Variants in CRTAM observed in about 807,000 individuals in gnomAD.
CRTAM encodes cytotoxic and regulatory T cell molecule, also known as cytotoxic and regulatory T-cell molecule.
A neutral mutation model predicts 50.0 loss-of-function variants in CRTAM; 44 were observed. The observed-to-expected ratio is 0.88, with a 90% confidence interval of 0.69 to 1.13. CRTAM has a LOEUF of 1.13. Among genes scored for constraint, CRTAM ranks in the 50% most tolerant of loss-of-function variants. CRTAM has a pLI of 0.00. For synonymous variants in CRTAM, 159 were observed against 169.3 expected, an observed-to-expected ratio of 0.94 and a Z score of 0.47; for missense variants, 448 against 457.5, an observed-to-expected ratio of 0.98 and a Z score of 0.19.
At chr11:122,863,229 G>A (rs1331069014) in intron 6 of CRTAM, among the ~76,000 whole-genome samples, 3 of 75,046 alleles carry the variant, frequency 4.0e-5, no homozygotes, top group African/African-American at 1.3e-4. Context: ...AATGAATTAC[G>A]AAAGAAAGAA....
chr11:122,863,991 A>G (rs563137064), intron 6 of CRTAM, among the ~76,000 whole-genome samples: 77 of 151,328 alleles, frequency 5.1e-4, no homozygotes, highest in African/African-American at 1.7e-3. Flanking sequence ...TAAAATCTGG[A>G]AAAAAAAACC....
rs1416765974 is a variant in CRTAM, at chr11:122,871,450, A to G, written c.*51A>G. The stretch of plus-strand genomic sequence containing the variant: ...TTCAGGGTTGCCGCAGTGTCACCTC[A>G]GTGGACCAGCCTGGGGGAAGGAGCT... On this transcript the variant is annotated 3_prime_UTR_variant, in exon 10 of 10. Coordinates refer to ENST00000227348, the MANE Select transcript of CRTAM (RefSeq NM_019604.4). 1 of 1,552,676 alleles carries G rather than the reference A, an allele frequency of 6.4e-7. No individual in the cohort carries two copies. The highest frequency in any genetic ancestry group is 8.8e-7 in the Non-Finnish European group (1 of 1,139,578).
At chr11:122,854,190 C>T in intron 4 of CRTAM, 104 bp downstream of exon 4, 1 of 1,111,778 alleles carries the variant, frequency 9.0e-7, no homozygotes, top group Non-Finnish European at 1.3e-6. Context: ...CAGAAGACAT[C>T]ATTTAATATT....
At chr11:122,864,064 T>A (rs1278066595) in intron 6 of CRTAM, among the ~76,000 whole-genome samples, 2 of 152,118 alleles carry the variant, frequency 1.3e-5, no homozygotes, top group South Asian at 2.1e-4. Flanking sequence ...ACATCCCACT[T>A]CTAATGGGGA....
chr11:122,856,495 T>C (rs1023419399), intron 5 of CRTAM, among the ~76,000 whole-genome samples: 1 of 152,232 alleles, frequency 6.6e-6, no homozygotes, highest in Non-Finnish European at 1.5e-5. Context: ...CCAAGAGGTA[T>C]CCTTTAAGAT....
chr11:122,851,423 C>A (rs1440560422), intron 2 of CRTAM, among the ~76,000 whole-genome samples: 1 of 152,114 alleles, frequency 6.6e-6, no homozygotes, highest in East Asian at 1.9e-4. Flanking sequence ...AATTCTGTTA[C>A]ATAATGCTTT....
Position 122,851,799 on chromosome 11 carries a change from T to C in CRTAM, c.300T>C (p.His100=). Residue 100 remains histidine, a synonymous_variant, in exon 3 of 10, where the codon CAT becomes CAC. Coordinates refer to ENST00000227348, the MANE Select transcript of CRTAM (RefSeq NM_019604.4). ...ATGAAGGCGTGTACAAGTGCTTACA[T>C]TACAGCGACTCTGTAAGCACAAAGG... ...LQDEGVYKCL[H]YSDSVSTKEV... The C allele has an allele frequency of 6.2e-7, 1 of 1,614,164 alleles. No homozygotes were observed. The highest frequency in any genetic ancestry group is 8.5e-7 in the Non-Finnish European group (1 of 1,179,986).
Position 122,864,856 on chromosome 11 carries a change from G to A in CRTAM, c.817+137G>A, listed in dbSNP as rs1341156281. 9.5e-6 allele frequency: 6 copies of A among 630,522 alleles called. No individual in the cohort carries two copies. In the Admixed American group the frequency reaches 1.1e-4, roughly 12 times the overall value. 39.1% of individuals were successfully genotyped at this position (630,522 alleles called of 1,614,324 possible). A position where few individuals can be genotyped will look rare whatever the true frequency, so the allele number is the denominator to read the frequency against. Reference sequence around the variant, plus strand: ...GACATGATTGGTTAATCACTCCCTTGTCCCTCCTTGATTTAGTTACCTCTC... The same window carrying A: ...GACATGATTGGTTAATCACTCCCTTATCCCTCCTTGATTTAGTTACCTCTC... On this transcript the variant is annotated intron_variant, in intron 7 of 9. Coordinates refer to ENST00000227348, the MANE Select transcript of CRTAM (RefSeq NM_019604.4).
In CRTAM at chr11:122,864,724, G is replaced by C; in HGVS notation, c.817+5G>C. 1.9e-6 allele frequency: 3 copies of C among 1,604,812 alleles called. No homozygotes were observed. On this transcript the variant is annotated splice_donor_5th_base_variant and intron_variant, in intron 7 of 9. Coordinates refer to ENST00000227348, the MANE Select transcript of CRTAM (RefSeq NM_019604.4). ...AAGATCCTGACTTGACCACCGGTAA[G>C]TGTCACCCACTGCATTTAGAATAAA...
intron 6 of CRTAM, among the ~76,000 whole-genome samples, chr11:122,863,628 A>G (rs900972000): frequency 4.0e-5 from 6 of 150,060 alleles, no homozygotes; most frequent in African/African-American, 1.3e-4. Flanking sequence ...TACAACATGT[A>G]CCATACAATT....
Position 122,871,290 on chromosome 11 carries a change from T to A in CRTAM, c.1073T>A (p.Met358Lys). ...TCAGCTTCCCACCCTATGCGTTGCA[T>A]GAACTACATCACAAAGTTGTACTCA... ...NGQSSHPMRC[M>K]NYITKLYSEA... Residue 358 changes from methionine (M) to lysine (K), a missense_variant, in exon 10 of 10, where the codon ATG (methionine) becomes AAG (lysine). Physicochemically the swap from Met to Lys is moderately conservative, Grantham distance 95. Transcript: ENST00000227348. 6.2e-7 allele frequency: 1 copy of A among 1,613,532 alleles called. No individual in the cohort carries two copies. The highest frequency in any genetic ancestry group is 1.1e-5 in the South Asian group (1 of 90,888).
chr11:122,851,888 A>G (rs1240367484), intron 3 of CRTAM, 43 bp downstream of exon 3: 1 of 1,586,484 alleles, frequency 6.3e-7, no homozygotes, highest in African/African-American at 1.3e-5. Context: ...CAATATGGAT[A>G]GGAACACGAT....
At chr11:122,863,351 A>AAGAAAAAG (rs1244147699) in intron 6 of CRTAM, among the ~76,000 whole-genome samples, 1 of 60,610 alleles carries the variant, frequency 1.6e-5, no homozygotes, top group African/African-American at 4.1e-5. Flanking sequence ...GAAAGAAAGA[A>AAGAAAAAG]AAAGAAAGAA....
chr11:122,855,664 A>C, intron 4 of CRTAM, 31 bp from the exon 5 acceptor site: 1 of 1,603,648 alleles, frequency 6.2e-7, no homozygotes, highest in Non-Finnish European at 8.5e-7. Context: ...GTAGCATTAA[A>C]TAGCCATAAC....
chr11:122,843,423 C>T (rs1021858539), intron 1 of CRTAM, among the ~76,000 whole-genome samples: 10 of 152,076 alleles, frequency 6.6e-5, no homozygotes, highest in African/African-American at 1.9e-4. Context: ...CATCACCTAC[C>T]GTAGGAAGTG....
intron 9 of CRTAM, among the ~76,000 whole-genome samples, chr11:122,868,973 C>T (rs1250347324): frequency 6.6e-6 from 1 of 152,050 alleles, no homozygotes; most frequent in Admixed American, 6.6e-5. Flanking sequence ...CGTGCCACTG[C>T]ACTCCAACCT....
Position 122,855,751 on chromosome 11 carries a change from C to G in CRTAM, c.547C>G (p.Leu183Val), listed in dbSNP as rs1395638612. ...DGKKCNTTST[L>V]IIHTYGKNST... ...GAAGAAATGTAATACTACCAGCACTCTCATAATCCACACTTATGGCAAAAA... is the reference window on the plus strand; with the variant it reads ...GAAGAAATGTAATACTACCAGCACTGTCATAATCCACACTTATGGCAAAAA... Residue 183 changes from leucine (L) to valine (V), a missense_variant, in exon 5 of 10, where the codon CTC becomes GTC. Coordinates refer to ENST00000227348, the MANE Select transcript of CRTAM (RefSeq NM_019604.4). 1 of 1,613,868 alleles carries G rather than the reference C, an allele frequency of 6.2e-7. No individual in the cohort carries two copies. Among genetic ancestry groups the G allele is most frequent in the Non-Finnish European group, 8.5e-7 (1 of 1,179,838 alleles).
chr11:122,853,068 A>G (rs892023052), intron 3 of CRTAM, among the ~76,000 whole-genome samples: 1 of 145,910 alleles, frequency 6.9e-6, no homozygotes, highest in South Asian at 2.2e-4. Flanking sequence ...AGATAAATGC[A>G]CCTTTTTTTT....
chr11:122,857,424 A>C (rs1490955413), intron 5 of CRTAM, among the ~76,000 whole-genome samples: 1 of 152,156 alleles, frequency 6.6e-6, no homozygotes, highest in Non-Finnish European at 1.5e-5. Context: ...AGCTGAGATC[A>C]CGCCACTGCA....
Sources: allele counts gnomAD v4.1 joint callset (sites outside exome capture counted in the v4.1 genomes callset), GRCh38; gene constraint gnomAD v4.1.1; transcripts MANE v1.5; gene names NCBI Gene and HGNC (gene_info 2026-07-23, HGNC 2026-07-21).